Variants in SNTG2 observed in about 807,000 individuals in gnomAD.
SNTG2 encodes gamma-2-syntrophin.
SNTG2 carries 74 observed loss-of-function variants against 70.9 expected under a neutral mutation model. The observed-to-expected ratio is 1.04, with a 90% confidence interval of 0.86 to 1.27. The LOEUF is 1.27. Among genes scored for constraint, SNTG2 ranks in the 50% most tolerant of loss-of-function variants. The pLI, the probability that SNTG2 is intolerant of heterozygous loss-of-function variation, is 0.00. For synonymous variants in SNTG2, 278 were observed against 273.8 expected (o/e 1.02, Z -0.15); for missense variants, 717 against 690.7 (o/e 1.04, Z -0.43).
At chr2:957,147 G>C (rs185708171) in intron 1 of SNTG2, among the ~76,000 whole-genome samples, 4 of 152,330 alleles carry the variant, frequency 2.6e-5, no homozygotes, top group Admixed American at 2.6e-4. Context: ...GTTAGATGCA[G>C]TGTTTTTAGA....
intron 12 of SNTG2, among the ~76,000 whole-genome samples, chr2:1,248,367 C>T (rs975508149): frequency 6.6e-6 from 1 of 152,214 alleles, no homozygotes; most frequent in Non-Finnish European, 1.5e-5. Flanking sequence ...CACCATTTGA[C>T]AATGATGCAG....
intron 8 of SNTG2, among the ~76,000 whole-genome samples, chr2:1,190,352 T>A (rs1176368502): frequency 6.6e-6 from 1 of 151,756 alleles, no homozygotes; most frequent in African/African-American, 2.4e-5. Context: ...TGTAAATAGT[T>A]CCTACTCTCT....
intron 1 of SNTG2, among the ~76,000 whole-genome samples, chr2:970,875 G>A (rs58093536): frequency 0.078 from 11,886 of 152,180 alleles, 690 homozygotes; most frequent in South Asian, 0.2. Context: ...AGACATTTAT[G>A]CAGCCAAAAA....
intron 1 of SNTG2, among the ~76,000 whole-genome samples, chr2:1,015,027 G>C (rs6707252): frequency 1.3e-5 from 2 of 152,018 alleles, no homozygotes; most frequent in Non-Finnish European, 2.9e-5. Flanking sequence ...CTGCATCTCT[G>C]TCCTAAGAAG....
intron 1 of SNTG2, among the ~76,000 whole-genome samples, chr2:993,082 T>A (rs1301725666): frequency 2.2e-5 from 3 of 136,436 alleles, no homozygotes; most frequent in Non-Finnish European, 3.3e-5. Flanking sequence ...TTTTTTTTTT[T>A]TTTTTATTAT....
intron 2 of SNTG2, among the ~76,000 whole-genome samples, chr2:1,086,339 A>G (rs1466586344): frequency 6.6e-6 from 1 of 152,078 alleles, no homozygotes. Context: ...TCTCTCCTGC[A>G]TAGAAGCAGA....
chr2:1,135,194 C>T (rs987554785), intron 4 of SNTG2, among the ~76,000 whole-genome samples: 2 of 152,154 alleles, frequency 1.3e-5, no homozygotes, highest in Non-Finnish European at 2.9e-5. Context: ...ATTCTGAAAA[C>T]TCTAGATACC....
At chr2:1,309,689 C>T (rs1234679213) in intron 15 of SNTG2, among the ~76,000 whole-genome samples, 1 of 152,214 alleles carries the variant, frequency 6.6e-6, no homozygotes, top group Non-Finnish European at 1.5e-5. Flanking sequence ...AATTCCAGGG[C>T]CAGAAAATTT....
chr2:1,051,157 T>TCCCCCTTTCTTCCTCCCCCC (rs1182613658), intron 1 of SNTG2, among the ~76,000 whole-genome samples: 1 of 99,998 alleles, frequency 1.0e-5, no homozygotes, highest in African/African-American at 3.5e-5. Flanking sequence ...TCCCTCCCTC[T>TCCCCCTTTCTTCCTCCCCCC]CCCCCTTTCT....
At chr2:1,050,020 G>A (rs1661967500) in intron 1 of SNTG2, among the ~76,000 whole-genome samples, 1 of 151,898 alleles carries the variant, frequency 6.6e-6, no homozygotes, top group Non-Finnish European at 1.5e-5. Context: ...TGCCTACTTG[G>A]ATCCTTGCCA....
Position 1,243,998 on chromosome 2 carries a change from CCCGGG to C in SNTG2, c.889-3327_889-3323del, listed in dbSNP as rs773149031. ...CCAAGAGCGTGCCACTGCACTCCAGCCCGGGCGACAGAGCAAGACTCTGGCCTGGG... is the reference window on the plus strand; with the variant it reads ...CCAAGAGCGTGCCACTGCACTCCAGCCGACAGAGCAAGACTCTGGCCTGGG... On this transcript the variant is annotated intron_variant, in intron 11 of 16. Transcript: ENST00000308624. Among the ~76,000 whole-genome samples, 196 of 152,078 alleles carry C rather than the reference CCCGGG, an allele frequency of 1.3e-3. 1 individual carries two copies. In the East Asian group the frequency reaches 0.027, roughly 21 times the overall value.
chr2:989,203 C>T lies in SNTG2; in HGVS notation c.72+38135C>T, dbSNP rs562745571. On this transcript the variant is annotated intron_variant, in intron 1 of 16. Transcript: ENST00000308624. ...GATAGTGTTACTTCTTTCTCCCTAA[C>T]GTATGACTTCTTTTTTATTTTTTCC... Among the ~76,000 whole-genome samples, 17 of 152,298 alleles carry T rather than the reference C, an allele frequency of 1.1e-4. No individual in the cohort carries two copies. The South Asian group carries it at 1.4e-3, about 13-fold the overall frequency.
intron 1 of SNTG2, 106 bp from the exon 2 acceptor site, chr2:1,083,412 C>T (rs1369409884): frequency 6.1e-6 from 7 of 1,154,984 alleles, no homozygotes; most frequent in African/African-American, 1.5e-5. Flanking sequence ...GCGAGCACTA[C>T]ACGTGCATTT....
chr2:1,054,186 G>A (rs1191281762), intron 1 of SNTG2, among the ~76,000 whole-genome samples: 2 of 152,026 alleles, frequency 1.3e-5, no homozygotes, highest in Non-Finnish European at 2.9e-5. Flanking sequence ...TTCCCGTGGT[G>A]CGGCTCGGGG....
At chr2:984,148 A>G (rs894364330) in intron 1 of SNTG2, among the ~76,000 whole-genome samples, 5 of 152,122 alleles carry the variant, frequency 3.3e-5, no homozygotes, top group African/African-American at 1.2e-4. Context: ...GACGCTATTG[A>G]ATCACACTTT....
intron 4 of SNTG2, among the ~76,000 whole-genome samples, chr2:1,101,346 C>T (rs1205266930): frequency 6.6e-6 from 1 of 152,228 alleles, no homozygotes; most frequent in Non-Finnish European, 1.5e-5. Flanking sequence ...CTGCCTCTCC[C>T]CACTGGGATC....
chr2:958,514 CATTT>C (rs139831764), intron 1 of SNTG2, among the ~76,000 whole-genome samples: 2,978 of 152,214 alleles, frequency 0.02, 86 homozygotes, highest in African/African-American at 0.068. Flanking sequence ...AAAGATATGA[CATTT>C]TATTGAAGCT....
chr2:1,224,913 T>C (rs931795943), intron 9 of SNTG2, among the ~76,000 whole-genome samples: 7 of 152,180 alleles, frequency 4.6e-5, no homozygotes, highest in African/African-American at 1.7e-4. Flanking sequence ...CTCCAGCAGG[T>C]GCAGTTGTGT....
At chr2:1,121,751 T>C (rs1316028744) in intron 4 of SNTG2, among the ~76,000 whole-genome samples, 1 of 152,140 alleles carries the variant, frequency 6.6e-6, no homozygotes, top group Non-Finnish European at 1.5e-5. Context: ...GAGAACAGCA[T>C]GGGGGAAACT....
Sources: gnomAD v4.1 joint callset for allele counts (sites outside exome capture counted in the v4.1 genomes callset) on GRCh38, gnomAD v4.1.1 for gene constraint, MANE v1.5 for transcripts, NCBI Gene and HGNC (gene_info 2026-07-23, HGNC 2026-07-21) for gene names.